PTPRN2: variants seen among roughly 807,000 people sequenced by gnomAD.
PTPRN2 encodes protein tyrosine phosphatase receptor type N2, also known as receptor-type tyrosine-protein phosphatase N2.
Under a neutral mutation model 118.8 loss-of-function variants are expected in PTPRN2, and 74 were observed. The ratio of observed to expected loss-of-function variants is 0.62; its 90% CI spans 0.52 to 0.76. PTPRN2 has a LOEUF of 0.76. PTPRN2 is among the 30% of genes least tolerant of loss of function. The probability of loss-of-function intolerance (pLI) is 0.00; values close to 1 mark genes in which losing one functional copy is unlikely to be tolerated. For missense variants in PTPRN2, 1,481 were observed against 1,394.4 expected, an observed-to-expected ratio of 1.06 and a Z score of -0.99; for synonymous variants, 641 against 608.0, an observed-to-expected ratio of 1.05 and a Z score of -0.80.
At chr7:158,136,840 C>T (rs1025760595) in intron 7 of PTPRN2, 145 bp from the exon 8 acceptor site, 7 of 742,918 alleles carry the variant, frequency 9.4e-6, no homozygotes, top group Admixed American at 7.7e-5. Flanking sequence ...ATAGAGTAAA[C>T]CTTTTCTGTT....
intron 3 of PTPRN2, among the ~76,000 whole-genome samples, chr7:158,278,539 C>A (rs975296677): frequency 1.3e-5 from 2 of 152,298 alleles, no homozygotes; most frequent in Non-Finnish European, 2.9e-5. Flanking sequence ...TCTCTCGAAA[C>A]CAACAATCAA....
intron 2 of PTPRN2, among the ~76,000 whole-genome samples, chr7:158,431,455 C>CAACACACACTGGCTCACACTG (rs151148859): frequency 2.9e-5 from 4 of 139,932 alleles, no homozygotes; most frequent in Non-Finnish European, 4.6e-5. Context: ...CTGCCTCACA[C>CAACACACACTGGCTCACACTG]GACACACACT....
chr7:158,583,164 C>A (rs761594124), intron 1 of PTPRN2, among the ~76,000 whole-genome samples: 7 of 152,100 alleles, frequency 4.6e-5, no homozygotes, highest in Non-Finnish European at 7.3e-5. Context: ...TAGGTAATCC[C>A]GCATGAACAC....
At chr7:158,569,521 C>G (rs902668633) in intron 1 of PTPRN2, among the ~76,000 whole-genome samples, 1 of 152,088 alleles carries the variant, frequency 6.6e-6, no homozygotes, top group Non-Finnish European at 1.5e-5. Context: ...GTCCGGCTCT[C>G]AGGGTCCTGC....
intron 15 of PTPRN2, among the ~76,000 whole-genome samples, chr7:157,614,719 A>T (rs923984814): frequency 3.9e-5 from 6 of 152,062 alleles, no homozygotes; most frequent in Admixed American, 3.3e-4. Context: ...CCAGTAAGTG[A>T]AGGTGAGGTC....
At chr7:158,523,702 G>A (rs573325922) in intron 1 of PTPRN2, among the ~76,000 whole-genome samples, 11 of 114,688 alleles carry the variant, frequency 9.6e-5, no homozygotes, top group African/African-American at 3.5e-4. Context: ...CTGGAGTGGA[G>A]TCGTCTGCCC....
At chr7:158,318,897 C>T (rs1046406458) in intron 2 of PTPRN2, among the ~76,000 whole-genome samples, 3 of 152,214 alleles carry the variant, frequency 2.0e-5, no homozygotes, top group Non-Finnish European at 4.4e-5. Context: ...GCCAACGCTT[C>T]GCAACATGCA....
intron 2 of PTPRN2, among the ~76,000 whole-genome samples, chr7:158,341,594 G>T (rs564065357): frequency 1.3e-5 from 1 of 75,156 alleles, no homozygotes; most frequent in African/African-American, 5.8e-5. Context: ...GGTGACACCC[G>T]CAGACATCAC....
Position 157,785,831 on chromosome 7 carries a change from G to A in PTPRN2, c.1789-102894C>T, listed in dbSNP as rs1398962895. ...CGCAGGGGGCCCAGCTGAAGCCTGC[G>A]TTTTCCCTTCTGCACAACAGCGGAG... is the stretch of plus-strand genomic sequence containing the variant. On this transcript the variant is annotated intron_variant, in intron 12 of 22. Coordinates refer to ENST00000389418, the MANE Select transcript of PTPRN2 (RefSeq NM_002847.5). The surrounding 1 kb of genome is among the most constrained non-coding windows in gnomAD (Gnocchi z 7.3). Among the ~76,000 whole-genome samples, 1 of 152,152 alleles carries A rather than the reference G, an allele frequency of 6.6e-6. No individual in the cohort carries two copies. Among genetic ancestry groups the A allele is most frequent in the African/African-American group, 2.4e-5 (1 of 41,438 alleles).
chr7:158,139,781 C>T (rs60152593), intron 6 of PTPRN2, among the ~76,000 whole-genome samples: 21,832 of 152,142 alleles, frequency 0.14, 1,919 homozygotes, highest in African/African-American at 0.24. Context: ...GTAAGAACAA[C>T]GTATTTCATA....
In PTPRN2 at chr7:158,143,131, G is replaced by A. The variant is rs116058122; in HGVS notation, c.911-4616C>T. Among the ~76,000 whole-genome samples, 933 of 152,230 alleles carry A rather than the reference G, an allele frequency of 6.1e-3. 8 individuals carry two copies. Among genetic ancestry groups the A allele is most frequent in the African/African-American group, 0.021 (884 of 41,530 alleles). On this transcript the variant is annotated intron_variant, in intron 6 of 22. Coordinates refer to ENST00000389418, the MANE Select transcript of PTPRN2 (RefSeq NM_002847.5). ...TCATCGCGACAGTCTTATCTCGCTC[G>A]TCCACGTCCACAGGTCCAATGCTGG...
chr7:158,240,381 C>A (rs985882691), intron 3 of PTPRN2, among the ~76,000 whole-genome samples: 2 of 152,152 alleles, frequency 1.3e-5, no homozygotes, highest in African/African-American at 4.8e-5. Flanking sequence ...TCGAATACGA[C>A]CAGGACAGCC....
At chr7:157,722,297 A>G (rs1469535257) in intron 12 of PTPRN2, among the ~76,000 whole-genome samples, 1 of 152,212 alleles carries the variant, frequency 6.6e-6, no homozygotes, top group Non-Finnish European at 1.5e-5. Context: ...GCAGCCTGGC[A>G]TTGGGAAGGG....
chr7:157,738,187 C>A (rs1269569697), intron 12 of PTPRN2, among the ~76,000 whole-genome samples: 1 of 152,180 alleles, frequency 6.6e-6, no homozygotes, highest in Non-Finnish European at 1.5e-5. Flanking sequence ...GGAATGTGGC[C>A]GTACACAATA....
intron 14 of PTPRN2, among the ~76,000 whole-genome samples, chr7:157,635,155 G>T (rs1368238235): frequency 6.6e-6 from 1 of 152,236 alleles, no homozygotes; most frequent in East Asian, 1.9e-4. Flanking sequence ...GATGTAAATG[G>T]CAGGTGTGCG....
chr7:158,307,271 A>G (rs935441020), intron 3 of PTPRN2, among the ~76,000 whole-genome samples: 1 of 152,234 alleles, frequency 6.6e-6, no homozygotes. Context: ...ATATGAATAA[A>G]AAGATAGAAA....
chr7:157,904,099 C>A (rs1262411514), intron 11 of PTPRN2, among the ~76,000 whole-genome samples: 1 of 152,212 alleles, frequency 6.6e-6, no homozygotes, highest in South Asian at 2.1e-4. Context: ...CCGATCAGTG[C>A]TTCTGCTTGT....
chr7:157,976,168 T>C (rs1427963232), intron 11 of PTPRN2, among the ~76,000 whole-genome samples: 4 of 152,228 alleles, frequency 2.6e-5, no homozygotes, highest in Non-Finnish European at 5.9e-5. Flanking sequence ...CATGGCAGCT[T>C]AGGGCTGGTT....
At chr7:157,649,356 C>G (rs1395575858) in intron 14 of PTPRN2, among the ~76,000 whole-genome samples, 1 of 83,112 alleles carries the variant, frequency 1.2e-5, no homozygotes, top group Non-Finnish European at 2.6e-5. Flanking sequence ...TCAGACCCAT[C>G]CAGCGTGCAC....
Sources: allele counts gnomAD v4.1 joint callset (sites outside exome capture counted in the v4.1 genomes callset), GRCh38; gene constraint gnomAD v4.1.1; non-coding constraint Gnocchi (gnomAD v3.1); transcripts MANE v1.5; gene names NCBI Gene and HGNC (gene_info 2026-07-23, HGNC 2026-07-21).